Variants in TAFA1 observed in about 807,000 individuals in gnomAD.
TAFA1 encodes the protein chemokine-like protein TAFA-1.
TAFA1 carries 4 observed loss-of-function variants against 18.5 expected under a neutral mutation model. The ratio of observed to expected loss-of-function variants is 0.22; its 90% CI spans 0.11 to 0.49. The LOEUF (loss-of-function observed/expected upper bound fraction) is 0.49. TAFA1 is among the 20% of genes least tolerant of loss of function. The pLI, the probability that TAFA1 is intolerant of heterozygous loss-of-function variation, is 0.98. For missense variants in TAFA1, 147 were observed against 169.0 expected (o/e 0.87, Z 0.72); for synonymous variants, 56 against 55.2 (o/e 1.01, Z -0.06).
At position 68,168,144 on chromosome 3, in the gene TAFA1, C is replaced by CAAAAAAAAAAAAAAAAAAAAAAAAAAA. The variant is rs10662237; in HGVS notation, c.118+161416_118+161417insAAAAAAAAAAAAAAAAAAAAAAAAAAA. On this transcript the variant is annotated intron_variant, in intron 2 of 4. Coordinates refer to ENST00000478136, the MANE Select transcript of TAFA1 (RefSeq NM_213609.4). ...GTCCTAATAAGCTTCTTTTCAGATA[C>CAAAAAAAAAAAAAAAAAAAAAAAAAAA]AAAAAAAAAAAAAAAAGAAGGCTTG... 1.7e-5 allele frequency among the ~76,000 whole-genome samples: 2 copies of CAAAAAAAAAAAAAAAAAAAAAAAAAAA among 116,482 alleles called. 1 individual carries two copies. Among genetic ancestry groups the CAAAAAAAAAAAAAAAAAAAAAAAAAAA allele is most frequent in the Non-Finnish European group, 3.5e-5 (2 of 57,590 alleles). The allele number at this position is 116,482 out of a possible 152,430, so 76.4% of individuals were successfully genotyped here. A position where few individuals can be genotyped will look rare whatever the true frequency, so the allele number is the denominator to read the frequency against.
intron 2 of TAFA1, among the ~76,000 whole-genome samples, chr3:68,374,706 C>T (rs548206193): frequency 6.6e-6 from 1 of 152,272 alleles, no homozygotes; most frequent in Admixed American, 6.5e-5. Flanking sequence ...AAGCATTCAT[C>T]TTATGATTTG....
At chr3:68,337,621 C>G (rs1425290638) in intron 2 of TAFA1, among the ~76,000 whole-genome samples, 1 of 152,204 alleles carries the variant, frequency 6.6e-6, no homozygotes, top group African/African-American at 2.4e-5. Context: ...CCATCACCTG[C>G]AAAAGCTTCC....
rs1045322373 is a variant in TAFA1, at chr3:68,067,806, T to G, written c.118+61062T>G. ...ACAAACATTTACTGATTGCCTATTC[T>G]TTGCTCAATCTAATGACACGATGTT... is the stretch of plus-strand genomic sequence containing the variant. On this transcript the variant is annotated intron_variant, in intron 2 of 4. Coordinates refer to ENST00000478136, the MANE Select transcript of TAFA1 (RefSeq NM_213609.4). 5.3e-5 allele frequency among the ~76,000 whole-genome samples: 8 copies of G among 152,110 alleles called. No homozygotes were observed. In the South Asian group the frequency reaches 1.5e-3, roughly 28 times the overall value.
At chr3:68,412,866 A>AT (rs2070742324) in intron 2 of TAFA1, among the ~76,000 whole-genome samples, 1 of 152,024 alleles carries the variant, frequency 6.6e-6, no homozygotes, top group South Asian at 2.1e-4. Flanking sequence ...TAGCAGCATG[A>AT]TTTATAGTCC....
At chr3:68,085,740 C>G (rs193053797) in intron 2 of TAFA1, among the ~76,000 whole-genome samples, 1 of 152,174 alleles carries the variant, frequency 6.6e-6, no homozygotes, top group Non-Finnish European at 1.5e-5. Flanking sequence ...CTGGAACTAC[C>G]TAGCCACTCA....
intron 2 of TAFA1, among the ~76,000 whole-genome samples, chr3:68,242,530 G>A (rs1347235604): frequency 1.3e-5 from 2 of 152,020 alleles, no homozygotes; most frequent in African/African-American, 4.8e-5. Flanking sequence ...ATGAATTTTT[G>A]TTCCTAGCAA....
intron 2 of TAFA1, among the ~76,000 whole-genome samples, chr3:68,167,565 A>AGACTCC (rs2065998742): frequency 1.4e-5 from 2 of 142,734 alleles, no homozygotes; most frequent in Admixed American, 1.4e-4. Context: ...TGACAGAGCA[A>AGACTCC]GACTCCGTCT....
chr3:68,199,762 T>C (rs2066451122), intron 2 of TAFA1, among the ~76,000 whole-genome samples: 1 of 151,564 alleles, frequency 6.6e-6, no homozygotes, highest in Non-Finnish European at 1.5e-5. Flanking sequence ...TTAAATCTTT[T>C]GGATTTTCTA....
At chr3:68,198,834 G>T (rs569830937) in intron 2 of TAFA1, among the ~76,000 whole-genome samples, 1 of 151,332 alleles carries the variant, frequency 6.6e-6, no homozygotes, top group Middle Eastern at 3.4e-3. Context: ...TCATTCTCTT[G>T]ATATTAAAAA....
intron 2 of TAFA1, among the ~76,000 whole-genome samples, chr3:68,369,770 A>G (rs899876191): frequency 2.0e-5 from 3 of 152,126 alleles, no homozygotes; most frequent in African/African-American, 7.2e-5. Flanking sequence ...GTTAAACAAG[A>G]TCTCCTGTTT....
At chr3:68,036,223 G>A (rs1469449490) in intron 2 of TAFA1, among the ~76,000 whole-genome samples, 2 of 152,038 alleles carry the variant, frequency 1.3e-5, no homozygotes, top group African/African-American at 4.8e-5. Context: ...GGTGGATCAC[G>A]AGGTCAGCAG....
chr3:68,266,418 G>A (rs555387382), intron 2 of TAFA1, among the ~76,000 whole-genome samples: 29 of 152,110 alleles, frequency 1.9e-4, no homozygotes, highest in African/African-American at 6.0e-4. Context: ...TAAACAGCCC[G>A]GTCCTAAGTA....
intron 3 of TAFA1, among the ~76,000 whole-genome samples, chr3:68,447,658 G>C (rs1015477914): frequency 6.6e-5 from 10 of 152,174 alleles, no homozygotes; most frequent in African/African-American, 1.7e-4. Flanking sequence ...ACAGAGTAGT[G>C]TAACTAAAAA....
chr3:68,387,106 C>T (rs1406284163), intron 2 of TAFA1, among the ~76,000 whole-genome samples: 1 of 150,514 alleles, frequency 6.6e-6, no homozygotes, highest in South Asian at 2.1e-4. Context: ...AAGGATGGAG[C>T]CCTTAAGCAC....
At chr3:68,281,158 C>T (rs1032549684) in intron 2 of TAFA1, among the ~76,000 whole-genome samples, 7 of 151,946 alleles carry the variant, frequency 4.6e-5, no homozygotes, top group Non-Finnish European at 8.8e-5. Flanking sequence ...TTGATTCTTA[C>T]AACAGCCCTG....
At chr3:68,078,038 C>T (rs373158339) in intron 2 of TAFA1, among the ~76,000 whole-genome samples, 4,128 of 151,296 alleles carry the variant, frequency 0.027, 199 homozygotes, top group African/African-American at 0.095. Context: ...CCCTTGTAAG[C>T]TGGATTCCTA....
intron 2 of TAFA1, among the ~76,000 whole-genome samples, chr3:68,022,984 A>G (rs868250348): frequency 2.7e-4 from 20 of 72,762 alleles, no homozygotes; most frequent in African/African-American, 1.0e-3. Flanking sequence ...TTTTTTTTTT[A>G]CTTTGTACCA....
intron 2 of TAFA1, among the ~76,000 whole-genome samples, chr3:68,259,354 C>G (rs1354475223): frequency 6.6e-6 from 1 of 152,150 alleles, no homozygotes; most frequent in African/African-American, 2.4e-5. Flanking sequence ...TGAGATGTCC[C>G]TTCACAAGAC....
chr3:67,996,608 G>A, the TAFA1 span, among the ~76,000 whole-genome samples: 5,236 of 152,120 alleles, frequency 0.034, 142 homozygotes, highest in East Asian at 0.062. Flanking sequence ...AGACCAGCCT[G>A]GCCAACATGA....
Sources: allele counts gnomAD v4.1 joint callset (sites outside exome capture counted in the v4.1 genomes callset), GRCh38; gene constraint gnomAD v4.1.1; transcripts MANE v1.5; gene names NCBI Gene and HGNC (gene_info 2026-07-23, HGNC 2026-07-21).